Variants in USPL1 observed in about 807,000 individuals in gnomAD.
The protein encoded by USPL1 is ubiquitin specific peptidase like 1.
In USPL1, 27 loss-of-function variants were observed where a neutral mutation model predicts 51.5. The ratio of observed to expected loss-of-function variants is 0.52; its 90% CI spans 0.39 to 0.72. USPL1 has a LOEUF of 0.72. Ranked by LOEUF, USPL1 falls within the 30% of genes least tolerant of loss-of-function variation. The probability of loss-of-function intolerance (pLI) is 0.00; values close to 1 mark genes in which losing one functional copy is unlikely to be tolerated. For synonymous variants in USPL1, 451 were observed against 459.6 expected (o/e 0.98, Z 0.24); for missense variants, 1,226 against 1,268.0 (o/e 0.97, Z 0.50).
intron 8 of USPL1, among the ~76,000 whole-genome samples, chr13:30,654,950 T>G (rs1237727632): frequency 6.6e-6 from 1 of 152,098 alleles, no homozygotes; most frequent in Non-Finnish European, 1.5e-5. Flanking sequence ...ATATGTTTTT[T>G]TTTTTGAGAT....
At chr13:30,629,186 C>A (rs1420191832) in intron 3 of USPL1, among the ~76,000 whole-genome samples, 1 of 152,124 alleles carries the variant, frequency 6.6e-6, no homozygotes, top group Non-Finnish European at 1.5e-5. Context: ...TGAAACGAAT[C>A]ACCTTGAAAC....
intron 7 of USPL1, among the ~76,000 whole-genome samples, chr13:30,649,010 G>C (rs1276065434): frequency 2.0e-5 from 3 of 152,130 alleles, no homozygotes; most frequent in Non-Finnish European, 4.4e-5. Context: ...TCGTACCATT[G>C]TTTTGTGTAA....
intron 5 of USPL1, among the ~76,000 whole-genome samples, chr13:30,640,684 CCTT>C (rs1235250933): frequency 2.0e-5 from 3 of 152,134 alleles, no homozygotes; most frequent in African/African-American, 4.8e-5. Context: ...GTGCGAAACT[CCTT>C]CTCAAAAAGA....
intron 8 of USPL1, among the ~76,000 whole-genome samples, chr13:30,655,767 G>GA (rs1444173684): frequency 2.0e-5 from 3 of 152,220 alleles, no homozygotes; most frequent in African/African-American, 4.8e-5. Context: ...ATACTCCTTA[G>GA]AAAAAAATAT....
chr13:30,650,331 C>A (rs935806002), intron 7 of USPL1, among the ~76,000 whole-genome samples: 1 of 150,812 alleles, frequency 6.6e-6, no homozygotes, highest in Non-Finnish European at 1.5e-5. Context: ...AGTCCCAGCA[C>A]TTTGGGAGGC....
chr13:30,618,639 G>A (rs1950603736), intron 1 of USPL1, among the ~76,000 whole-genome samples: 1 of 152,072 alleles, frequency 6.6e-6, no homozygotes, highest in Non-Finnish European at 1.5e-5. Flanking sequence ...ACCTTGACAC[G>A]TTCATTGTGC....
chr13:30,656,281 T>C (rs1390415229), intron 8 of USPL1, among the ~76,000 whole-genome samples: 2 of 152,224 alleles, frequency 1.3e-5, no homozygotes, highest in Admixed American at 1.3e-4. Context: ...TCATTGGCAT[T>C]GAATACATTG....
At chr13:30,649,612 T>G (rs1951062339) in intron 7 of USPL1, among the ~76,000 whole-genome samples, 1 of 152,212 alleles carries the variant, frequency 6.6e-6, no homozygotes. Context: ...ACCAAGAACT[T>G]AGAATCAGAT....
At chr13:30,628,983 A>G (rs1470346523) in intron 3 of USPL1, among the ~76,000 whole-genome samples, 2 of 152,192 alleles carry the variant, frequency 1.3e-5, no homozygotes, top group East Asian at 1.9e-4. Flanking sequence ...GGACTTAGGA[A>G]GTAATCTCAA....
At chr13:30,630,718 T>C (rs1950789945) in intron 3 of USPL1, 117 bp from the exon 4 acceptor site, 11 of 1,153,088 alleles carry the variant, frequency 9.5e-6, no homozygotes, top group Non-Finnish European at 1.3e-5. Context: ...TGTATAAATA[T>C]AACCTGTCAT....
At position 30,658,414 on chromosome 13, in the gene USPL1, T is replaced by G; in HGVS notation, c.2337T>G (p.Asn779Lys). ...SFMPLCVSAH[N>K]RNTITDLQPS... ...TGCCACTCTGTGTTTCAGCTCATAA[T>G]AGAAACACTATAACTGATTTACAAC... Residue 779 changes from asparagine (N) to lysine (K), a missense_variant, in exon 9 of 9, where the codon AAT (asparagine) becomes AAG (lysine). By Grantham distance (94) the Asn-to-Lys change is moderately conservative. Transcript: ENST00000255304. 1 of 1,613,686 alleles carries G rather than the reference T, an allele frequency of 6.2e-7. No homozygotes were observed. Among genetic ancestry groups the G allele is most frequent in the South Asian group, 1.1e-5 (1 of 91,076 alleles).
At chr13:30,632,677 G>A (rs1487180324) in intron 4 of USPL1, among the ~76,000 whole-genome samples, 1 of 152,084 alleles carries the variant, frequency 6.6e-6, no homozygotes, top group Non-Finnish European at 1.5e-5. Context: ...CTCCCAAAGT[G>A]CTGAAATTAC....
At chr13:30,636,796 A>T (rs1950882072) in intron 4 of USPL1, among the ~76,000 whole-genome samples, 1 of 152,202 alleles carries the variant, frequency 6.6e-6, no homozygotes, top group Non-Finnish European at 1.5e-5. Context: ...GCTACTCAGG[A>T]GGTTGAGGCT....
Position 30,657,629 on chromosome 13 carries a change from A to G in USPL1, c.1552A>G (p.Asn518Asp), listed in dbSNP as rs372122899. The G allele has an allele frequency of 1.9e-6, 3 of 1,614,208 alleles. No homozygotes were observed. Among genetic ancestry groups the G allele is most frequent in the South Asian group, 2.2e-5 (2 of 91,084 alleles). The change falls in exon 9 of 9, where the codon AAT (asparagine) becomes GAT (aspartate). Residue 518 changes from asparagine to aspartate, a missense_variant. Transcript: ENST00000255304. ...EAACLPLKKT[N>D]DQHALSNEKP... ...TGCCTGCCTTCCACTTAAAAAGACT[A>G]ATGACCAACACGCTCTCAGTAATGA...
chr13:30,651,103 C>A (rs1005842196), intron 7 of USPL1, among the ~76,000 whole-genome samples: 1 of 152,112 alleles, frequency 6.6e-6, no homozygotes, highest in African/African-American at 2.4e-5. Flanking sequence ...CTCTGTTCTG[C>A]ATCATCTCTG....
intron 3 of USPL1, among the ~76,000 whole-genome samples, chr13:30,628,212 A>G (rs868160236): frequency 3.3e-5 from 5 of 151,846 alleles, no homozygotes; most frequent in Non-Finnish European, 5.9e-5. Flanking sequence ...TTATGTTTCT[A>G]TGAATCAGAC....
chr13:30,635,853 G>GTTTCCTAGGC (rs1365780309), intron 4 of USPL1, among the ~76,000 whole-genome samples: 6 of 152,072 alleles, frequency 3.9e-5, no homozygotes, highest in African/African-American at 1.4e-4. Flanking sequence ...TTACTGACTA[G>GTTTCCTAGGC]TTTCCTAGGA....
intron 7 of USPL1, among the ~76,000 whole-genome samples, chr13:30,652,578 A>G (rs1195054140): frequency 6.6e-6 from 1 of 152,268 alleles, no homozygotes; most frequent in African/African-American, 2.4e-5. Context: ...TAATAAATTG[A>G]CCAATATGTT....
intron 3 of USPL1, among the ~76,000 whole-genome samples, chr13:30,623,131 G>C (rs1012694851): frequency 7.9e-5 from 12 of 151,946 alleles, no homozygotes; most frequent in Admixed American, 2.0e-4. Flanking sequence ...GGATGGTGAG[G>C]GGAACGCTTC....
Sources: gnomAD v4.1 joint callset for allele counts (sites outside exome capture counted in the v4.1 genomes callset) on GRCh38, gnomAD v4.1.1 for gene constraint, MANE v1.5 for transcripts, NCBI Gene and HGNC (gene_info 2026-07-23, HGNC 2026-07-21) for gene names.